The following LINGO2 variants were observed in gnomAD, a reference collection of about 807,000 sequenced individuals.
The protein encoded by LINGO2 is leucine-rich repeat and immunoglobulin-like domain-containing nogo receptor-interacting protein 2.
Under a neutral mutation model 30.6 loss-of-function variants are expected in LINGO2, and 14 were observed. The ratio of observed to expected loss-of-function variants is 0.46; its 90% confidence interval spans 0.30 to 0.72. The LOEUF (loss-of-function observed/expected upper bound fraction) is 0.72, where lower values mean the gene tolerates loss of function less well. LINGO2 is among the 30% of genes least tolerant of loss of function. The probability of loss-of-function intolerance (pLI) is 0.07; values close to 1 mark genes in which losing one functional copy is unlikely to be tolerated. For synonymous variants in LINGO2, 317 were observed against 288.5 expected, an observed-to-expected ratio of 1.10 and a Z score of -1.00; for missense variants, 729 against 751.7, an observed-to-expected ratio of 0.97 and a Z score of 0.35.
chr9:28,150,084 G>A (rs1827953502), intron 4 of LINGO2, among the ~76,000 whole-genome samples: 2 of 149,116 alleles, frequency 1.3e-5, no homozygotes, highest in South Asian at 2.1e-4. Flanking sequence ...ATCCCATCTG[G>A]GAAGTGAGGA....
chr9:28,846,906 T>C, the LINGO2 span, among the ~76,000 whole-genome samples: 3 of 142,686 alleles, frequency 2.1e-5, no homozygotes, highest in Non-Finnish European at 4.6e-5. Context: ...CCTCCTACAG[T>C]CCAGAATCAA....
intron 1 of LINGO2, among the ~76,000 whole-genome samples, chr9:28,664,012 T>C (rs1384140480): frequency 6.6e-6 from 1 of 152,190 alleles, no homozygotes; most frequent in African/African-American, 2.4e-5. Context: ...TATCTATAGA[T>C]AATATGAGAT....
At position 28,328,438 on chromosome 9, in the gene LINGO2, T is replaced by C. The variant is rs192718039; in HGVS notation, c.-245-33072A>G. Among the ~76,000 whole-genome samples the C allele has an allele frequency of 2.7e-4, 41 of 152,248 alleles. 2 individuals are homozygous for C. The East Asian group carries it at 6.2e-3, about 23-fold the overall frequency. Reference sequence around the variant, plus strand: ...TGTCAGACATTTTCACAACCAAACATATGCCTTCAGCATCCTTGTAGAATA... The same window carrying C: ...TGTCAGACATTTTCACAACCAAACACATGCCTTCAGCATCCTTGTAGAATA... On this transcript the variant is annotated intron_variant, in intron 3 of 5. Transcript: ENST00000379992.
chr9:28,765,833 T>C, the LINGO2 span, among the ~76,000 whole-genome samples: 1 of 151,828 alleles, frequency 6.6e-6, no homozygotes, highest in African/African-American at 2.4e-5. Context: ...CCGAGACAAA[T>C]ACATGATGGG....
chr9:28,958,535 T>C, the LINGO2 span, among the ~76,000 whole-genome samples: 1 of 152,076 alleles, frequency 6.6e-6, no homozygotes, highest in East Asian at 1.9e-4. Context: ...GTAAGGGGAA[T>C]GTTTTAAAAC....
At chr9:28,985,293 C>T in the LINGO2 span, among the ~76,000 whole-genome samples, 890 of 152,136 alleles carry the variant, frequency 5.9e-3, 8 homozygotes, top group African/African-American at 0.021. Flanking sequence ...AGGTTGATTC[C>T]ATATCTTGGC....
intron 4 of LINGO2, among the ~76,000 whole-genome samples, chr9:28,200,706 A>T (rs1820198113): frequency 1.3e-5 from 2 of 152,188 alleles, no homozygotes; most frequent in African/African-American, 4.8e-5. Flanking sequence ...ATAAATAAAG[A>T]ATAGAAGTAA....
At chr9:28,261,364 A>C (rs1822557968) in intron 4 of LINGO2, among the ~76,000 whole-genome samples, 1 of 151,882 alleles carries the variant, frequency 6.6e-6, no homozygotes, top group Non-Finnish European at 1.5e-5. Flanking sequence ...TAACATCACA[A>C]GTTTTTAAAG....
At position 28,361,251 on chromosome 9, in the gene LINGO2, T is replaced by C. The variant is rs1820428964; in HGVS notation, c.-246+11585A>G. The stretch of plus-strand genomic sequence containing the variant: ...GTGCAAGAGTAGTGATGATGGTATG[T>C]CATTATAATTAATATTTAATTATTA... On this transcript the variant is annotated intron_variant, in intron 3 of 5. Coordinates refer to ENST00000379992, the Ensembl canonical transcript of LINGO2. Among the ~76,000 whole-genome samples the C allele has an allele frequency of 2.0e-5, 3 of 152,340 alleles. No individual in the cohort carries two copies. In the South Asian group the frequency reaches 6.2e-4, roughly 32 times the overall value.
chr9:28,235,191 A>T (rs1821516495), intron 4 of LINGO2, among the ~76,000 whole-genome samples: 1 of 152,212 alleles, frequency 6.6e-6, no homozygotes, highest in African/African-American at 2.4e-5. Context: ...GAGAATCTCT[A>T]CATTTGGGAG....
At position 28,073,841 on chromosome 9, in the gene LINGO2, A is replaced by C. The variant is rs566905679; in HGVS notation, c.-86-61436T>G. Reference sequence around the variant, plus strand: ...CCAGGTGTTCAAGACAAGCCTGGACAATATAGCCACACCACTCTCTCTACA... The same window carrying C: ...CCAGGTGTTCAAGACAAGCCTGGACCATATAGCCACACCACTCTCTCTACA... On this transcript the variant is annotated intron_variant, in intron 4 of 5. Coordinates refer to ENST00000379992, the Ensembl canonical transcript of LINGO2. 3.3e-5 allele frequency among the ~76,000 whole-genome samples: 5 copies of C among 152,306 alleles called. No individual in the cohort carries two copies. In the East Asian group the frequency reaches 7.7e-4, roughly 24 times the overall value.
At chr9:28,397,709 A>C (rs1822109153) in intron 2 of LINGO2, among the ~76,000 whole-genome samples, 1 of 151,544 alleles carries the variant, frequency 6.6e-6, no homozygotes, top group African/African-American at 2.4e-5. Flanking sequence ...CACCACGCCC[A>C]GCTAATTTTT....
the LINGO2 span, among the ~76,000 whole-genome samples, chr9:29,075,574 C>T: frequency 2.0e-5 from 3 of 152,192 alleles, no homozygotes; most frequent in East Asian, 5.8e-4. Context: ...CTATTCATAA[C>T]TTTATTTTTA....
At chr9:28,644,616 G>T (rs1827753250) in intron 1 of LINGO2, among the ~76,000 whole-genome samples, 1 of 151,648 alleles carries the variant, frequency 6.6e-6, no homozygotes, top group African/African-American at 2.4e-5. Context: ...ATAAGACCCA[G>T]TATTTGATAG....
intron 1 of LINGO2, among the ~76,000 whole-genome samples, chr9:28,532,024 C>T (rs565342050): frequency 2.4e-4 from 37 of 152,108 alleles, no homozygotes; most frequent in Admixed American, 1.2e-3. Flanking sequence ...TTTTACAAAC[C>T]GGTAACGTTC....
intron 5 of LINGO2, among the ~76,000 whole-genome samples, chr9:27,965,700 A>G (rs372026509): frequency 2.6e-5 from 4 of 151,888 alleles, no homozygotes; most frequent in African/African-American, 9.7e-5. Context: ...ACAGTTCTGA[A>G]TCTCCTTTTG....
At chr9:28,184,084 A>C (rs1209930574) in intron 4 of LINGO2, among the ~76,000 whole-genome samples, 1 of 152,170 alleles carries the variant, frequency 6.6e-6, no homozygotes, top group Non-Finnish European at 1.5e-5. Context: ...GCTGGATTAA[A>C]GAAAAAGATC....
chr9:28,002,165 G>C (rs1821991447), intron 5 of LINGO2, among the ~76,000 whole-genome samples: 1 of 152,164 alleles, frequency 6.6e-6, no homozygotes, highest in African/African-American at 2.4e-5. Context: ...TGGGTCCTGG[G>C]AGCAGACAGT....
At chr9:28,437,831 A>G (rs1022171412) in intron 2 of LINGO2, among the ~76,000 whole-genome samples, 1 of 152,176 alleles carries the variant, frequency 6.6e-6, no homozygotes, top group Non-Finnish European at 1.5e-5. Context: ...TAATTTTTCA[A>G]TGTAGCACAA....
Sources: allele counts gnomAD v4.1 joint callset (sites outside exome capture counted in the v4.1 genomes callset), GRCh38; gene constraint gnomAD v4.1.1; transcripts MANE v1.5; gene names NCBI Gene and HGNC (gene_info 2026-07-23, HGNC 2026-07-21).